SHISA9: variants seen among roughly 807,000 people sequenced by gnomAD.
The protein encoded by SHISA9 is protein shisa-9.
Under a neutral mutation model 38.0 loss-of-function variants are expected in SHISA9, and 13 were observed. The observed-to-expected ratio is 0.34, with a 90% confidence interval of 0.22 to 0.54. SHISA9 has a LOEUF of 0.54. SHISA9 is among the 20% of genes least tolerant of loss of function. SHISA9 has a pLI of 0.91. For synonymous variants in SHISA9, 275 were observed against 242.0 expected, an observed-to-expected ratio of 1.14 and a Z score of -1.27; for missense variants, 538 against 575.8, an observed-to-expected ratio of 0.93 and a Z score of 0.67.
intron 2 of SHISA9, among the ~76,000 whole-genome samples, chr16:13,164,597 T>C (rs2050620867): frequency 6.6e-6 from 1 of 152,104 alleles, no homozygotes; most frequent in Admixed American, 6.6e-5. Flanking sequence ...CTGAGGTCAT[T>C]CCTTTGAGAT....
the SHISA9 span, among the ~76,000 whole-genome samples, chr16:13,409,943 G>A: frequency 6.7e-6 from 1 of 148,626 alleles, no homozygotes; most frequent in South Asian, 2.1e-4. Context: ...GGCATGTTGT[G>A]AGAATGGGAT....
At chr16:13,087,766 T>C (rs1273530124) in intron 2 of SHISA9, among the ~76,000 whole-genome samples, 1 of 152,224 alleles carries the variant, frequency 6.6e-6, no homozygotes, top group African/African-American at 2.4e-5. Context: ...TTTTCTCCCA[T>C]TCTGTAGGTT....
At chr16:13,188,301 G>T (rs8059579) in intron 2 of SHISA9, among the ~76,000 whole-genome samples, 4 of 152,022 alleles carry the variant, frequency 2.6e-5, no homozygotes, top group African/African-American at 7.3e-5. Context: ...GACACAGCAG[G>T]TGCCTGCAAA....
rs544552280 is a variant in SHISA9 at position 12,917,019 on chromosome 16, CTTGG to C, written c.691+211_691+214del. Among the ~76,000 whole-genome samples, 8 of 152,302 alleles carry C rather than the reference CTTGG, an allele frequency of 5.3e-5. 1 individual carries two copies. In the South Asian group the frequency reaches 1.7e-3, roughly 32 times the overall value. ...GCTTTCTTTGTTAAATGGCGATCCA[CTTGG>C]TTGGTTTCACATGATTGATACTTTT... On this transcript the variant is annotated intron_variant, in intron 2 of 4. Transcript: ENST00000558583.
intron 1 of SHISA9, among the ~76,000 whole-genome samples, chr16:12,914,318 A>G (rs946639018): frequency 5.9e-5 from 9 of 151,902 alleles, no homozygotes; most frequent in Admixed American, 5.2e-4. Context: ...TGCTGGGATT[A>G]CAGGCGTGAG....
intron 2 of SHISA9, among the ~76,000 whole-genome samples, chr16:12,943,430 A>G (rs1298965861): frequency 6.7e-6 from 1 of 150,138 alleles, no homozygotes; most frequent in Non-Finnish European, 1.5e-5. Flanking sequence ...AATAGAAAAC[A>G]ATGACGAAAC....
the SHISA9 span, among the ~76,000 whole-genome samples, chr16:13,277,373 G>A: frequency 1.3e-5 from 2 of 151,906 alleles, no homozygotes; most frequent in Admixed American, 1.3e-4. Flanking sequence ...AGTTCTTTTT[G>A]CTTAGTCTTG....
chr16:13,358,537 C>A, the SHISA9 span, among the ~76,000 whole-genome samples: 1 of 152,196 alleles, frequency 6.6e-6, no homozygotes, highest in African/African-American at 2.4e-5. Flanking sequence ...TAAGTAGATG[C>A]TAATACAATT....
intron 2 of SHISA9, among the ~76,000 whole-genome samples, chr16:13,191,706 C>T (rs2050887223): frequency 6.6e-6 from 1 of 152,118 alleles, no homozygotes. Context: ...TGTCCTGGAT[C>T]GTGCTGTCTG....
chr16:13,381,105 T>C, the SHISA9 span, among the ~76,000 whole-genome samples: 1 of 152,082 alleles, frequency 6.6e-6, no homozygotes, highest in African/African-American at 2.4e-5. Context: ...GTCTTTGCTA[T>C]AGAAATAATA....
intron 2 of SHISA9, among the ~76,000 whole-genome samples, chr16:12,950,760 G>A (rs184636546): frequency 4.0e-5 from 6 of 151,404 alleles, no homozygotes; most frequent in East Asian, 2.0e-4. Flanking sequence ...TAGCTACCAC[G>A]GCTGGCTAAA....
intron 2 of SHISA9, among the ~76,000 whole-genome samples, chr16:12,997,159 A>AT (rs2072467243): frequency 1.3e-5 from 2 of 151,976 alleles, no homozygotes; most frequent in African/African-American, 4.8e-5. Context: ...CTCAGAGGTA[A>AT]CCACTGTTTT....
intron 2 of SHISA9, among the ~76,000 whole-genome samples, chr16:12,994,761 A>G (rs2072437100): frequency 6.6e-6 from 1 of 152,158 alleles, no homozygotes; most frequent in Non-Finnish European, 1.5e-5. Context: ...CAGGTATATG[A>G]TGTGATGGGT....
At chr16:13,428,117 C>T in the SHISA9 span, among the ~76,000 whole-genome samples, 4 of 152,104 alleles carry the variant, frequency 2.6e-5, no homozygotes, top group African/African-American at 9.7e-5. Context: ...ACATCCAAGC[C>T]AATAAGAAGA....
intron 3 of SHISA9, among the ~76,000 whole-genome samples, chr16:13,204,198 A>ATCTG (rs56691123): frequency 0.029 from 4,086 of 140,630 alleles, 120 homozygotes; most frequent in East Asian, 0.14. Context: ...TCTACCTATT[A>ATCTG]TCTGTCTGTC....
intron 2 of SHISA9, among the ~76,000 whole-genome samples, chr16:13,102,895 C>A (rs999956699): frequency 2.0e-5 from 3 of 152,194 alleles, no homozygotes; most frequent in Non-Finnish European, 4.4e-5. Flanking sequence ...AACTTCCAGA[C>A]TTTTCATTCA....
chr16:13,527,900 A>T, the SHISA9 span, among the ~76,000 whole-genome samples: 1 of 152,236 alleles, frequency 6.6e-6, no homozygotes, highest in East Asian at 1.9e-4. Flanking sequence ...GGAATTTACA[A>T]TTCAGGAAAC....
the SHISA9 span, among the ~76,000 whole-genome samples, chr16:13,444,401 AAGGGAGGG>A: frequency 8.9e-6 from 1 of 112,458 alleles, no homozygotes; most frequent in Non-Finnish European, 1.9e-5. Context: ...AGAAGGAAGG[AAGGGAGGG>A]AGGGAGGGAG....
intron 2 of SHISA9, among the ~76,000 whole-genome samples, chr16:13,142,513 G>A (rs1193249714): frequency 6.6e-6 from 1 of 152,104 alleles, no homozygotes; most frequent in Non-Finnish European, 1.5e-5. Context: ...AGTAAGAACC[G>A]GTAGTCAATA....
Sources: allele counts gnomAD v4.1 joint callset (sites outside exome capture counted in the v4.1 genomes callset), GRCh38; gene constraint gnomAD v4.1.1; transcripts MANE v1.5; gene names NCBI Gene and HGNC (gene_info 2026-07-23, HGNC 2026-07-21).